Variants in KCNU1 observed in about 807,000 individuals in gnomAD.
KCNU1 encodes potassium calcium-activated channel subfamily U member 1.
KCNU1 carries 93 observed loss-of-function variants against 126.8 expected under a neutral mutation model. The observed-to-expected ratio is 0.73, with a 90% CI of 0.62 to 0.87. KCNU1 has a LOEUF of 0.87. Ranked by LOEUF, KCNU1 falls within the 40% of genes least tolerant of loss-of-function variation. The probability of loss-of-function intolerance (pLI) is 0.00; values close to 1 mark genes in which losing one functional copy is unlikely to be tolerated. For missense variants in KCNU1, 1,330 were observed against 1,367.1 expected, an observed-to-expected ratio of 0.97 and a Z score of 0.43; for synonymous variants, 523 against 494.2, an observed-to-expected ratio of 1.06 and a Z score of -0.77.
chr8:36,928,622 T>A (rs1808603142), intron 24 of KCNU1, among the ~76,000 whole-genome samples: 1 of 152,206 alleles, frequency 6.6e-6, no homozygotes, highest in Admixed American at 6.5e-5. Context: ...GATTATATTA[T>A]TTCTTGTCAA....
At chr8:36,909,806 GT>G (rs1422971506) in intron 21 of KCNU1, among the ~76,000 whole-genome samples, 5 of 152,206 alleles carry the variant, frequency 3.3e-5, no homozygotes, top group Non-Finnish European at 4.4e-5. Flanking sequence ...AAATCCAGAT[GT>G]TGTGGCTCTT....
At chr8:36,903,168 T>C (rs1807486136) in intron 19 of KCNU1, among the ~76,000 whole-genome samples, 1 of 152,110 alleles carries the variant, frequency 6.6e-6, no homozygotes, top group African/African-American at 2.4e-5. Flanking sequence ...TACTTTAAGT[T>C]TGACACTTCA....
chr8:36,848,178 G>C (rs1805218297), intron 18 of KCNU1, among the ~76,000 whole-genome samples: 2 of 152,066 alleles, frequency 1.3e-5, no homozygotes, highest in African/African-American at 4.8e-5. Flanking sequence ...CAAGTTCCTT[G>C]TATATTCTGG....
At chr8:36,890,383 A>T (rs1456873700) in intron 19 of KCNU1, among the ~76,000 whole-genome samples, 4 of 152,068 alleles carry the variant, frequency 2.6e-5, no homozygotes, top group African/African-American at 9.6e-5. Flanking sequence ...GATGAGTTGG[A>T]AATACTCTGC....
rs549055015 is a variant in KCNU1, at chr8:36,887,851, T to G, written c.2010-17857T>G. On this transcript the variant is annotated intron_variant, in intron 19 of 26. Coordinates refer to ENST00000399881, the MANE Select transcript of KCNU1 (RefSeq NM_001031836.3). ...GCCTAGAATGGCCTTAAGTTCCATT[T>G]GTAATTTGGTATCTTATTGCCACAA... Among the ~76,000 whole-genome samples the G allele has an allele frequency of 2.0e-5, 3 of 152,288 alleles. No individual in the cohort carries two copies. In the South Asian group the frequency reaches 6.2e-4, roughly 32 times the overall value.
At chr8:36,935,112 CATGAG>C (rs1808814205) in intron 26 of KCNU1, among the ~76,000 whole-genome samples, 1 of 152,062 alleles carries the variant, frequency 6.6e-6, no homozygotes, top group South Asian at 2.1e-4. Context: ...CAGCTGAATT[CATGAG>C]TATAGTGTCT....
chr8:36,813,683 C>A (rs1016569950), intron 7 of KCNU1, among the ~76,000 whole-genome samples: 1 of 148,606 alleles, frequency 6.7e-6, no homozygotes, highest in East Asian at 2.0e-4. Context: ...AAAAAAAAAT[C>A]ACTGAAAAGA....
At chr8:36,833,710 T>C in intron 11 of KCNU1, 51 bp downstream of exon 11, 3 of 1,033,470 alleles carry the variant, frequency 2.9e-6, no homozygotes, top group Non-Finnish European at 1.5e-6. Flanking sequence ...TTGCAACAAT[T>C]AAAATAATAG....
chr8:36,821,660 C>T (rs1804130076), intron 10 of KCNU1, among the ~76,000 whole-genome samples: 1 of 152,102 alleles, frequency 6.6e-6, no homozygotes. Context: ...TTAATGATGG[C>T]TAATAGCAAT....
intron 19 of KCNU1, among the ~76,000 whole-genome samples, chr8:36,903,385 C>G (rs186514108): frequency 6.6e-6 from 1 of 152,054 alleles, no homozygotes; most frequent in African/African-American, 2.4e-5. Context: ...TGTATTTCTC[C>G]CAAGATGTAG....
chr8:36,930,870 C>T (rs1808680157), intron 24 of KCNU1, 81 bp from the exon 25 acceptor site: 2 of 944,028 alleles, frequency 2.1e-6, no homozygotes, highest in African/African-American at 1.7e-5. Context: ...GCAATGCCCA[C>T]TAAATCTCCA....
intron 23 of KCNU1, among the ~76,000 whole-genome samples, chr8:36,920,982 C>A (rs1808321972): frequency 6.6e-6 from 1 of 152,076 alleles, no homozygotes; most frequent in Non-Finnish European, 1.5e-5. Flanking sequence ...AGTTGCTTGT[C>A]CAGCAGATTT....
At position 36,918,884 on chromosome 8, in the gene KCNU1, C is replaced by T. The variant is rs1477940194; in HGVS notation, c.2583C>T (p.Ile861=). Residue 861 remains isoleucine, a synonymous_variant, in exon 23 of 27, where the codon ATC becomes ATT. Transcript: ENST00000399881. ...AATCAAACTGCCGAAAAGTCCCTAT[C>T]CTTACTGAACTGAGTAAGTGGTGTT... is the stretch of plus-strand genomic sequence containing the variant. ...NEKSNCRKVP[I]LTELKNPSNI... is the part of the protein sequence containing the mutation. The T allele has an allele frequency of 6.3e-7, 1 of 1,599,194 alleles. No individual in the cohort carries two copies. The highest frequency in any genetic ancestry group is 1.7e-5 in the Admixed American group (1 of 59,972).
chr8:36,923,096 T>TG, intron 24 of KCNU1: 1 of 456,196 alleles, frequency 2.2e-6, no homozygotes, highest in South Asian at 1.5e-5. Context: ...CCTCCTCTCA[T>TG]GGGGGGCATT....
intron 10 of KCNU1, among the ~76,000 whole-genome samples, chr8:36,833,189 T>C (rs1804618350): frequency 6.6e-6 from 1 of 152,150 alleles, no homozygotes; most frequent in South Asian, 2.1e-4. Flanking sequence ...TGATGATTGT[T>C]TTCTGCTTGC....
At chr8:36,885,972 CTGA>C (rs939376525) in intron 19 of KCNU1, among the ~76,000 whole-genome samples, 1 of 152,152 alleles carries the variant, frequency 6.6e-6, no homozygotes, top group African/African-American at 2.4e-5. Context: ...AAGATCCATG[CTGA>C]TGGTCACAGC....
intron 24 of KCNU1, among the ~76,000 whole-genome samples, chr8:36,925,802 A>C (rs1209432496): frequency 6.6e-6 from 1 of 152,134 alleles, no homozygotes; most frequent in Admixed American, 6.6e-5. Flanking sequence ...GCAGCTCCTG[A>C]ATACGTTCTC....
intron 2 of KCNU1, among the ~76,000 whole-genome samples, chr8:36,798,622 C>T (rs971147679): frequency 6.6e-6 from 1 of 152,178 alleles, no homozygotes; most frequent in Admixed American, 6.5e-5. Flanking sequence ...TTGGTCTCCA[C>T]AGTCTTTTAC....
At position 36,918,843 on chromosome 8, in the gene KCNU1, A is replaced by T. The variant is rs762954226; in HGVS notation, c.2542A>T (p.Asn848Tyr). Residue 848 changes from asparagine (N) to tyrosine (Y), a missense_variant, in exon 23 of 27, where the codon AAT (asparagine) becomes TAT (tyrosine). By Grantham distance (143) the Asn-to-Tyr change is moderately radical. Coordinates refer to ENST00000399881, the MANE Select transcript of KCNU1 (RefSeq NM_001031836.3). ...SVSEETPGYT[N>Y]GHNEKSNCRK... is the part of the protein sequence containing the mutation. ...TGCAGAGGAGACTCCAGGTTACACA[A>T]ATGGACATAATGAGAAATCAAACTG... is the stretch of plus-strand genomic sequence containing the variant. 8.1e-6 allele frequency: 13 copies of T among 1,608,298 alleles called. No individual in the cohort carries two copies. In the South Asian group the frequency reaches 1.1e-4, roughly 14 times the overall value.
Sources: allele counts gnomAD v4.1 joint callset (sites outside exome capture counted in the v4.1 genomes callset), GRCh38; gene constraint gnomAD v4.1.1; transcripts MANE v1.5; gene names NCBI Gene and HGNC (gene_info 2026-07-23, HGNC 2026-07-21).